The following MALRD1 variants were observed in gnomAD, a reference collection of about 807,000 sequenced individuals.
The protein encoded by MALRD1 is MAM and LDL-receptor class A domain-containing protein 1.
A neutral mutation model predicts 242.1 loss-of-function variants in MALRD1; 247 were observed. That is an observed-to-expected ratio of 1.02 (90% CI 0.92 to 1.13). The LOEUF is 1.13. Among genes scored for constraint, MALRD1 ranks in the 50% most tolerant of loss-of-function variants. The probability of loss-of-function intolerance (pLI) is 0.00; values close to 1 mark genes in which losing one functional copy is unlikely to be tolerated. For missense variants in MALRD1, 2,989 were observed against 2,533.1 expected, an observed-to-expected ratio of 1.18 and a Z score of -3.86; for synonymous variants, 995 against 866.6, an observed-to-expected ratio of 1.15 and a Z score of -2.60.
chr10:19,200,074 G>C (rs1421943658), intron 14 of MALRD1, among the ~76,000 whole-genome samples: 1 of 152,178 alleles, frequency 6.6e-6, no homozygotes, highest in African/African-American at 2.4e-5. Flanking sequence ...GCTGCCATGA[G>C]CTGAGGTCAT....
intron 36 of MALRD1, among the ~76,000 whole-genome samples, chr10:19,667,993 G>A (rs746984023): frequency 7.9e-5 from 12 of 152,044 alleles, no homozygotes; most frequent in Non-Finnish European, 1.5e-4. Flanking sequence ...CATGATGGAA[G>A]GTGCAAGGCA....
At chr10:19,466,428 A>G (rs569397395) in intron 29 of MALRD1, among the ~76,000 whole-genome samples, 40 of 152,240 alleles carry the variant, frequency 2.6e-4, no homozygotes, top group East Asian at 7.7e-4. Flanking sequence ...TATATTTTCT[A>G]TCTTTACATT....
chr10:19,448,867 A>G lies in MALRD1; in HGVS notation c.4846-1440A>G, dbSNP rs1046858715. On this transcript the variant is annotated intron_variant, in intron 28 of 39. Transcript: ENST00000454679. ...TATAATTTTTGGAATCTGTTGTTAA[A>G]ATTATCACTTTTCCTCCTAACTGAA... 2.6e-4 allele frequency among the ~76,000 whole-genome samples: 40 copies of G among 152,116 alleles called. 1 individual carries two copies. In the East Asian group the frequency reaches 5.0e-3, roughly 19 times the overall value.
At chr10:19,318,996 C>CAT (rs1405729280) in intron 21 of MALRD1, among the ~76,000 whole-genome samples, 6 of 151,354 alleles carry the variant, frequency 4.0e-5, no homozygotes, top group Non-Finnish European at 8.8e-5. Flanking sequence ...CACACACACA[C>CAT]ACACACACAG....
chr10:19,515,555 A>T (rs576926027), intron 31 of MALRD1, among the ~76,000 whole-genome samples: 86 of 149,208 alleles, frequency 5.8e-4, no homozygotes, highest in African/African-American at 1.5e-3. Context: ...CTTTTTTTTA[A>T]TTTTTATTTA....
At chr10:19,389,936 A>T (rs1328200751) in intron 28 of MALRD1, among the ~76,000 whole-genome samples, 1 of 152,176 alleles carries the variant, frequency 6.6e-6, no homozygotes. Flanking sequence ...TGCTGGGACT[A>T]CATGCATGAG....
intron 31 of MALRD1, among the ~76,000 whole-genome samples, chr10:19,506,282 C>T (rs1833135349): frequency 6.6e-6 from 1 of 152,102 alleles, no homozygotes; most frequent in South Asian, 2.1e-4. Context: ...TTGAAGACAA[C>T]CAATGTCATG....
chr10:19,448,784 A>G (rs1372751191), intron 28 of MALRD1, among the ~76,000 whole-genome samples: 2 of 152,064 alleles, frequency 1.3e-5, no homozygotes, highest in East Asian at 1.9e-4. Context: ...TGTTACTTAT[A>G]TAATAATTAC....
Position 19,446,091 on chromosome 10 carries a change from G to A in MALRD1, c.4846-4216G>A, listed in dbSNP as rs150580787. 2.1e-3 allele frequency among the ~76,000 whole-genome samples: 327 copies of A among 152,288 alleles called. 1 individual carries two copies. The highest frequency in any genetic ancestry group is 7.4e-3 in the African/African-American group (306 of 41,556). ...GGGCGTGGGACCCTCCGAGCCAGGC[G>A]TGGGATATAATTTCCTGGTGTGCCA... is the stretch of plus-strand genomic sequence containing the variant. On this transcript the variant is annotated intron_variant, in intron 28 of 39. Coordinates refer to ENST00000454679, the MANE Select transcript of MALRD1 (RefSeq NM_001142308.3).
chr10:19,261,210 A>C (rs1839731348), intron 19 of MALRD1, among the ~76,000 whole-genome samples: 1 of 152,204 alleles, frequency 6.6e-6, no homozygotes, highest in Non-Finnish European at 1.5e-5. Flanking sequence ...CTAGAAGCAT[A>C]GGCAGAGATG....
At chr10:19,202,629 G>A (rs1836588400) in intron 14 of MALRD1, among the ~76,000 whole-genome samples, 1 of 152,036 alleles carries the variant, frequency 6.6e-6, no homozygotes, top group Non-Finnish European at 1.5e-5. Context: ...TTACAAGGGT[G>A]TGTCTATGCG....
At position 19,491,579 on chromosome 10, in the gene MALRD1, A is replaced by C; in HGVS notation, c.5092A>C (p.Ile1698Leu). The change falls in exon 30 of 40, where the codon ATT becomes CTT. Residue 1698 changes from isoleucine (I) to leucine (L), a missense_variant. Physicochemically the swap from Ile to Leu is conservative, Grantham distance 5. Coordinates refer to ENST00000454679, the MANE Select transcript of MALRD1 (RefSeq NM_001142308.3). ...TDFLCRDKKC[I>L]ASHLLCDYKP... ...TTTTTTGTGCCGGGACAAGAAGTGC[A>C]TTGCATCCCACCTTCTTTGTGACTA... 1.3e-6 allele frequency: 2 copies of C among 1,550,246 alleles called. No homozygotes were observed. The highest frequency in any genetic ancestry group is 1.7e-6 in the Non-Finnish European group (2 of 1,146,856).
intron 29 of MALRD1, among the ~76,000 whole-genome samples, chr10:19,488,063 T>G (rs1234861059): frequency 1.3e-5 from 2 of 151,468 alleles, no homozygotes; most frequent in Non-Finnish European, 2.9e-5. Context: ...ACAAAGGAAC[T>G]GCTGAATTTT....
chr10:19,266,354 G>T, intron 19 of MALRD1, among the ~76,000 whole-genome samples: 1 of 151,556 alleles, frequency 6.6e-6, no homozygotes, highest in East Asian at 1.9e-4. Flanking sequence ...TGCTTTGATT[G>T]CTTTCTCTTT....
At chr10:19,350,866 T>A (rs1187854213) in intron 25 of MALRD1, among the ~76,000 whole-genome samples, 1 of 151,684 alleles carries the variant, frequency 6.6e-6, no homozygotes, top group Admixed American at 6.7e-5. Flanking sequence ...GTCTGAGAGG[T>A]TGGCCCCTGG....
intron 2 of MALRD1, among the ~76,000 whole-genome samples, chr10:19,077,941 C>T (rs1170104711): frequency 6.6e-6 from 1 of 151,720 alleles, no homozygotes; most frequent in Non-Finnish European, 1.5e-5. Flanking sequence ...CTTCAAACCT[C>T]AAAGCAAAAC....
chr10:19,205,514 T>C (rs1836744608), intron 17 of MALRD1, among the ~76,000 whole-genome samples: 1 of 151,454 alleles, frequency 6.6e-6, no homozygotes, highest in African/African-American at 2.4e-5. Flanking sequence ...TTGCGGAGCT[T>C]ACAATCTTAC....
At chr10:19,576,291 C>T (rs1339056680) in intron 33 of MALRD1, among the ~76,000 whole-genome samples, 1 of 152,150 alleles carries the variant, frequency 6.6e-6, no homozygotes, top group Non-Finnish European at 1.5e-5. Context: ...ACTTCCAATC[C>T]CAAGTCGTAT....
chr10:19,680,969 C>A (rs1410202645), intron 36 of MALRD1, among the ~76,000 whole-genome samples: 1 of 152,156 alleles, frequency 6.6e-6, no homozygotes, highest in African/African-American at 2.4e-5. Flanking sequence ...TAAATATTGG[C>A]CTCCCGATAT....
Sources: gnomAD v4.1 joint callset for allele counts (sites outside exome capture counted in the v4.1 genomes callset) on GRCh38, gnomAD v4.1.1 for gene constraint, MANE v1.5 for transcripts, NCBI Gene and HGNC (gene_info 2026-07-23, HGNC 2026-07-21) for gene names.